The following DIRAS1 variants were observed in gnomAD, a reference collection of about 807,000 sequenced individuals.
DIRAS1 encodes the protein DIRAS family GTPase 1.
In DIRAS1, 3 loss-of-function variants were observed where a neutral mutation model predicts 11.5. That is an observed-to-expected ratio of 0.26 (90% CI 0.12 to 0.67). The LOEUF (loss-of-function observed/expected upper bound fraction) is 0.67. Ranked by LOEUF, DIRAS1 falls within the 30% of genes least tolerant of loss-of-function variation. The probability of loss-of-function intolerance (pLI) is 0.80; values close to 1 mark genes in which losing one functional copy is unlikely to be tolerated. For missense variants in DIRAS1, 212 were observed against 285.3 expected, an observed-to-expected ratio of 0.74 and a Z score of 1.85; for synonymous variants, 128 against 125.8, an observed-to-expected ratio of 1.02 and a Z score of -0.12.
rs1287240491 is a variant in DIRAS1, at chr19:2,718,412, G to A, written c.-69-537C>T. Among the ~76,000 whole-genome samples the A allele has an allele frequency of 3.9e-5, 6 of 152,260 alleles. No individual in the cohort carries two copies. The highest frequency in any genetic ancestry group is 8.8e-5 in the Non-Finnish European group (6 of 68,046). On this transcript the variant is annotated intron_variant, in intron 1 of 1. Transcript: ENST00000323469. This position sits in a 1 kb window ranked among gnomAD's most constrained non-coding sequence, Gnocchi z 4.2. ...CCAGAGATGGCCAATCCTCATGGAAGCCGCACATGGTCGGGTGTTTAAGAT... is the reference window on the plus strand; with the variant it reads ...CCAGAGATGGCCAATCCTCATGGAAACCGCACATGGTCGGGTGTTTAAGAT...
Position 2,715,794 on chromosome 19 carries a change from A to G in DIRAS1, c.*1416T>C, listed in dbSNP as rs1321849324. On this transcript the variant is annotated 3_prime_UTR_variant, in exon 2 of 2. Transcript: ENST00000323469. ...CAGATCGTGTCCCTCAATCAGGACA[A>G]ACATATTTACAGATAAATGCTCTCA... is the stretch of plus-strand genomic sequence containing the variant. 1 of 152,244 alleles carries G rather than the reference A, an allele frequency of 6.6e-6. No individual in the cohort carries two copies. Among genetic ancestry groups the G allele is most frequent in the Non-Finnish European group, 1.5e-5 (1 of 68,054 alleles). 9.4% of individuals were successfully genotyped at this position (152,244 alleles called of 1,614,324 possible). A position where few individuals can be genotyped will look rare whatever the true frequency, so the allele number is the denominator to read the frequency against.
chr19:2,717,159 A>C lies in DIRAS1; in HGVS notation c.*51T>G. ...CCGAGGAGGGTGTCGGTGTTGGGGG[A>C]GGCAGCGGGGGTCAGTGGGGGTGGG... On this transcript the variant is annotated 3_prime_UTR_variant, in exon 2 of 2. Coordinates refer to ENST00000323469, the MANE Select transcript of DIRAS1 (RefSeq NM_145173.4). 1.5e-6 allele frequency: 2 copies of C among 1,358,062 alleles called. No homozygotes were observed. Among genetic ancestry groups the C allele is most frequent in the Non-Finnish European group, 1.9e-6 (2 of 1,050,430 alleles). The allele number at this position is 1,358,062 out of a possible 1,614,324, so 84.1% of individuals were successfully genotyped here. A position where few individuals can be genotyped will look rare whatever the true frequency, so the allele number is the denominator to read the frequency against.
At chr19:2,719,692 G>T (rs1420175862) in intron 1 of DIRAS1, among the ~76,000 whole-genome samples, 1 of 151,964 alleles carries the variant, frequency 6.6e-6, no homozygotes, top group Non-Finnish European at 1.5e-5. Flanking sequence ...TTATGGGGAG[G>T]GTCCAGAGGT....
chr19:2,721,012 A>G (rs1407241905), intron 1 of DIRAS1, among the ~76,000 whole-genome samples: 2 of 107,742 alleles, frequency 1.9e-5, no homozygotes, highest in Admixed American at 1.0e-4. Flanking sequence ...GAGGGGACCA[A>G]TGCGGAGAGG....
In DIRAS1 at chr19:2,715,047, C is replaced by A. The variant is rs1336646266; in HGVS notation, c.*2163G>T. The A allele has an allele frequency of 2.0e-5, 3 of 152,460 alleles. No individual in the cohort carries two copies. The highest frequency in any genetic ancestry group is 7.2e-5 in the African/African-American group (3 of 41,456). The allele number at this position is 152,460 out of a possible 1,614,324, so 9.4% of individuals were successfully genotyped here. A position where few individuals can be genotyped will look rare whatever the true frequency, so the allele number is the denominator to read the frequency against. ...GCTCTGCTCAGACACAATGCCAGCT[C>A]TTCTGGGAGCCCGGTCCACGTGCTG... is the stretch of plus-strand genomic sequence containing the variant. On this transcript the variant is annotated 3_prime_UTR_variant, in exon 2 of 2. Transcript: ENST00000323469.
chr19:2,717,452 C>T lies in DIRAS1; in HGVS notation c.355G>A (p.Val119Met). Reference sequence around the variant, plus strand: ...TGCGTCTCATCGCACTTGTTGCCCACGAGCATCACGGGGATGTCCTCCACG... The same window carrying T: ...TGCGTCTCATCGCACTTGTTGCCCATGAGCATCACGGGGATGTCCTCCACG... ...GSVEDIPVML[V>M]GNKCDETQRE... The change falls in exon 2 of 2, where the codon GTG becomes ATG. Residue 119 changes from valine (V) to methionine (M), a missense_variant. By Grantham distance (21) the Val-to-Met change is conservative (BLOSUM62 1). Transcript: ENST00000323469. 1.2e-6 allele frequency: 2 copies of T among 1,610,318 alleles called. No individual in the cohort carries two copies. The highest frequency in any genetic ancestry group is 1.6e-4 in the Middle Eastern group (1 of 6,062).
At position 2,714,832 on chromosome 19, in the gene DIRAS1, G is replaced by A. The variant is rs1913747137; in HGVS notation, c.*2378C>T. The A allele has an allele frequency of 6.6e-6, 1 of 152,656 alleles. No homozygotes were observed. The highest frequency in any genetic ancestry group is 6.5e-5 in the Admixed American group (1 of 15,286). The allele number at this position is 152,656 out of a possible 1,614,324, so 9.5% of individuals were successfully genotyped here. A position where few individuals can be genotyped will look rare whatever the true frequency, so the allele number is the denominator to read the frequency against. ...GTCGGGCAGGGCCTGAGGTGGGAGA[G>A]GCCTGGAGGTGGGCAGGGCCCCAAG... On this transcript the variant is annotated 3_prime_UTR_variant, in exon 2 of 2. Coordinates refer to ENST00000323469, the MANE Select transcript of DIRAS1 (RefSeq NM_145173.4).
In DIRAS1 at chr19:2,716,935, T is replaced by C. The variant is rs542684409; in HGVS notation, c.*275A>G. On this transcript the variant is annotated 3_prime_UTR_variant, in exon 2 of 2. Transcript: ENST00000323469. The stretch of plus-strand genomic sequence containing the variant: ...CTCTTGCCAGCTCCCCATCCTGTTT[T>C]CCCATCTGCAGGACAAGGGGGCCAC... The C allele has an allele frequency of 4.6e-6, 2 of 431,326 alleles. No individual in the cohort carries two copies. Among genetic ancestry groups the C allele is most frequent in the East Asian group, 3.7e-5 (1 of 27,074 alleles). 26.7% of individuals were successfully genotyped at this position (431,326 alleles called of 1,614,324 possible).
Position 2,717,280 on chromosome 19 carries a change from TTGAGGCTCATGTTCCGG to T in DIRAS1, c.510_526del (p.Arg171HisfsTer159). ...CTTCCCGGAGCGCTTGCCGTCGATGTTGAGGCTCATGTTCCGGCGCGTCTCCAGCGTCAGCAGCTCCT... is the reference window on the plus strand; with the variant it reads ...CTTCCCGGAGCGCTTGCCGTCGATGTCGCGTCTCCAGCGTCAGCAGCTCCT... On this transcript the variant is annotated frameshift_variant, in exon 2 of 2. Transcript: ENST00000323469. LOFTEE classifies it high-confidence loss of function. The T allele has an allele frequency of 6.2e-7, 1 of 1,612,086 alleles. No individual in the cohort carries two copies. The highest frequency in any genetic ancestry group is 8.5e-7 in the Non-Finnish European group (1 of 1,179,604).
At chr19:2,717,973 G>A in intron 1 of DIRAS1, 98 bp from the exon 2 acceptor site, 1 of 720,818 alleles carries the variant, frequency 1.4e-6, no homozygotes, top group South Asian at 1.9e-5. Context: ...CTTCTCAGAG[G>A]AGGTGGCTGC....
chr19:2,716,986 C>T lies in DIRAS1; in HGVS notation c.*224G>A. ...CTCCGGCTCTTGGTTTTGGAGGGTA[C>T]AGACAGAACAGGAGGGTGGAGAGAG... is the stretch of plus-strand genomic sequence containing the variant. On this transcript the variant is annotated 3_prime_UTR_variant, in exon 2 of 2. Transcript: ENST00000323469. 2 of 560,250 alleles carry T rather than the reference C, an allele frequency of 3.6e-6. No individual in the cohort carries two copies. The highest frequency in any genetic ancestry group is 6.3e-6 in the Non-Finnish European group (2 of 317,920). The allele number at this position is 560,250 out of a possible 1,614,324, so 34.7% of individuals were successfully genotyped here.
chr19:2,716,242 G>T lies in DIRAS1; in HGVS notation c.*968C>A, dbSNP rs1217632362. Reference sequence around the variant, plus strand: ...TCCCGGGCAGGCCCTGCTCTCTGGGGCACAGGTGGTGGGGAGGAAGTGGGT... The same window carrying T: ...TCCCGGGCAGGCCCTGCTCTCTGGGTCACAGGTGGTGGGGAGGAAGTGGGT... On this transcript the variant is annotated 3_prime_UTR_variant, in exon 2 of 2. Transcript: ENST00000323469. The T allele has an allele frequency of 2.0e-5, 3 of 152,338 alleles. No homozygotes were observed. Among genetic ancestry groups the T allele is most frequent in the Non-Finnish European group, 4.4e-5 (3 of 68,132 alleles). The allele number at this position is 152,338 out of a possible 1,614,324, so 9.4% of individuals were successfully genotyped here. A position where few individuals can be genotyped will look rare whatever the true frequency, so the allele number is the denominator to read the frequency against.
rs1210833325 is a variant in DIRAS1 at position 2,717,810 on chromosome 19, C to T, written c.-4G>A. The T allele has an allele frequency of 1.3e-6, 2 of 1,586,542 alleles. No homozygotes were observed. Among genetic ancestry groups the T allele is most frequent in the African/African-American group, 1.3e-5 (1 of 74,708 alleles). On this transcript the variant is annotated 5_prime_UTR_variant, in exon 2 of 2. Transcript: ENST00000323469. Reference sequence around the variant, plus strand: ...AATCGTTACTCTGTTCCGGCATCTTCCCCGCGGCGGGTGGGCGGCCGGGGC... The same window carrying T: ...AATCGTTACTCTGTTCCGGCATCTTTCCCGCGGCGGGTGGGCGGCCGGGGC...
Position 2,716,495 on chromosome 19 carries a change from C to T in DIRAS1, c.*715G>A, listed in dbSNP as rs1913800938. Reference sequence around the variant, plus strand: ...AAGCCCCTCCACGCCCATGGTGCCTCTCCAGCGGGGCAGTTGTGCTGTGGA... The same window carrying T: ...AAGCCCCTCCACGCCCATGGTGCCTTTCCAGCGGGGCAGTTGTGCTGTGGA... On this transcript the variant is annotated 3_prime_UTR_variant, in exon 2 of 2. Coordinates refer to ENST00000323469, the MANE Select transcript of DIRAS1 (RefSeq NM_145173.4). 1 of 152,274 alleles carries T rather than the reference C, an allele frequency of 6.6e-6. No homozygotes were observed. 9.4% of individuals were successfully genotyped at this position (152,274 alleles called of 1,614,324 possible).
chr19:2,717,353 T>C lies in DIRAS1; in HGVS notation c.454A>G (p.Lys152Glu). 1 of 1,610,626 alleles carries C rather than the reference T, an allele frequency of 6.2e-7. No homozygotes were observed. ...WKCAFMETSA[K>E]MNYNVKELFQ... The stretch of plus-strand genomic sequence containing the variant: ...AGCTCCTTGACGTTGTAGTTCATCT[T>C]GGCCGAGGTCTCCATGAAAGCGCAC... The change falls in exon 2 of 2, where the codon AAG becomes GAG. Residue 152 changes from lysine (K) to glutamate (E), a missense_variant. By Grantham distance (56) the Lys-to-Glu change is moderately conservative (BLOSUM62 1). Coordinates refer to ENST00000323469, the MANE Select transcript of DIRAS1 (RefSeq NM_145173.4).
rs145805966 is a variant in DIRAS1 at position 2,717,477 on chromosome 19, G to A, written c.330C>T (p.Ser110=). 3.1e-6 allele frequency: 5 copies of A among 1,611,790 alleles called. No homozygotes were observed. The highest frequency in any genetic ancestry group is 4.2e-6 in the Non-Finnish European group (5 of 1,179,990). The part of the protein sequence containing the change: ...IYKLIVQIKG[S]VEDIPVMLVG... ...CGAGCATCACGGGGATGTCCTCCAC[G>A]CTGCCCTTGATCTGCACGATGAGCT... Residue 110 remains serine, a synonymous_variant, in exon 2 of 2, where the codon AGC becomes AGT. Transcript: ENST00000323469.
In DIRAS1 at chr19:2,717,255, C is replaced by A; in HGVS notation, c.552G>T (p.Lys184Asn). The A allele has an allele frequency of 6.2e-7, 1 of 1,609,804 alleles. No homozygotes were observed. The highest frequency in any genetic ancestry group is 8.5e-7 in the Non-Finnish European group (1 of 1,178,112). ...CCTTGACGCGGTCTGTCCTCTTCTGCTTCCCGGAGCGCTTGCCGTCGATGT... is the reference window on the plus strand; with the variant it reads ...CCTTGACGCGGTCTGTCCTCTTCTGATTCCCGGAGCGCTTGCCGTCGATGT... ...SLNIDGKRSGKQKRTDRVKGK... is the reference protein window; with the variant it reads ...SLNIDGKRSGNQKRTDRVKGK... Residue 184 changes from lysine to asparagine, a missense_variant, in exon 2 of 2, where the codon AAG (lysine) becomes AAT (asparagine). Physicochemically the swap from Lys to Asn is moderately conservative, Grantham distance 94. Transcript: ENST00000323469.
chr19:2,717,914 G>A (rs1289204116), intron 1 of DIRAS1, 39 bp from the exon 2 acceptor site: 1 of 1,187,210 alleles, frequency 8.4e-7, no homozygotes. Flanking sequence ...AGGCCACCCA[G>A]GCTTGAGGGG....
chr19:2,717,068 G>GCA lies in DIRAS1; in HGVS notation c.*141_*142insTG. 1 of 822,422 alleles carries GCA rather than the reference G, an allele frequency of 1.2e-6. No individual in the cohort carries two copies. Among genetic ancestry groups the GCA allele is most frequent in the Non-Finnish European group, 1.8e-6 (1 of 549,280 alleles). 50.9% of individuals were successfully genotyped at this position (822,422 alleles called of 1,614,324 possible). ...CTCGGGGTGGGCAGGGGCAGCGGAG[G>GCA]GGGGGGCGGTGGCCTCGGTTTCCCC... On this transcript the variant is annotated 3_prime_UTR_variant, in exon 2 of 2. Coordinates refer to ENST00000323469, the MANE Select transcript of DIRAS1 (RefSeq NM_145173.4).
Sources: allele counts gnomAD v4.1 joint callset (sites outside exome capture counted in the v4.1 genomes callset), GRCh38; gene constraint gnomAD v4.1.1; non-coding constraint Gnocchi (gnomAD v3.1); transcripts MANE v1.5; gene names NCBI Gene and HGNC (gene_info 2026-07-23, HGNC 2026-07-21).